Variants in PSD observed in about 807,000 individuals in gnomAD.
PSD encodes PH and SEC7 domain-containing protein 1.
Under a neutral mutation model 91.6 loss-of-function variants are expected in PSD, and 32 were observed. The observed-to-expected ratio is 0.35, with a 90% CI of 0.26 to 0.47. The LOEUF (loss-of-function observed/expected upper bound fraction) is 0.47. Ranked by LOEUF, PSD falls within the 20% of genes least tolerant of loss-of-function variation. The pLI is 1.00. For missense variants in PSD, 1,099 were observed against 1,373.9 expected, an observed-to-expected ratio of 0.80 and a Z score of 3.16; for synonymous variants, 532 against 569.3, an observed-to-expected ratio of 0.93 and a Z score of 0.93.
At chr10:102,419,791 G>A (rs2061536031), upstream of PSD, 5 of 166,480 alleles carry the variant, frequency 3.0e-5, no homozygotes, top group South Asian at 5.0e-4. This position sits in a 1 kb window ranked among gnomAD's most constrained non-coding sequence, Gnocchi z 4.8. Flanking sequence ...GCGCGCTCAC[G>A]TGGCTCTATC....
chr10:102,410,631 C>T lies in PSD; in HGVS notation c.2091+227G>A, dbSNP rs1224667571. Among the ~76,000 whole-genome samples, 1 of 152,212 alleles carries T rather than the reference C, an allele frequency of 6.6e-6. No individual in the cohort carries two copies. Among genetic ancestry groups the T allele is most frequent in the Non-Finnish European group, 1.5e-5 (1 of 68,030 alleles). On this transcript the variant is annotated intron_variant, in intron 10 of 16. Coordinates refer to ENST00000020673, the MANE Select transcript of PSD (RefSeq NM_002779.5). The surrounding 1 kb of genome is among the most constrained non-coding windows in gnomAD (Gnocchi z 6.0). Reference sequence around the variant, plus strand: ...TCCAGAGCCGGGTCCCCTCCCCCGCCGTGCGCAGTCGCGACCGCACGCATG... The same window carrying T: ...TCCAGAGCCGGGTCCCCTCCCCCGCTGTGCGCAGTCGCGACCGCACGCATG...
intron 11 of PSD, 102 bp downstream of exon 11, chr10:102,407,121 T>A: frequency 9.6e-7 from 1 of 1,039,180 alleles, no homozygotes; most frequent in Non-Finnish European, 1.3e-6. Context: ...CTCACTCCCC[T>A]CCCCTACCCC....
chr10:102,407,890 C>T (rs1455110890), intron 10 of PSD, among the ~76,000 whole-genome samples: 1 of 152,172 alleles, frequency 6.6e-6, no homozygotes, highest in Admixed American at 6.5e-5. Flanking sequence ...CACGTGCACA[C>T]TTTGTCACTG....
intron 3 of PSD, 141 bp from the exon 4 acceptor site, chr10:102,415,370 C>T: frequency 9.6e-7 from 1 of 1,041,106 alleles, no homozygotes. Context: ...CTGCTACATA[C>T]TTAGCTTGTT....
intron 5 of PSD, 107 bp from the exon 6 acceptor site, chr10:102,412,682 G>C: frequency 1.1e-6 from 1 of 940,322 alleles, no homozygotes; most frequent in Non-Finnish European, 1.6e-6. Context: ...GGGAGTGGAG[G>C]GACATGGGGA....
In PSD at chr10:102,403,083, C is replaced by T. The variant is rs2061302242; in HGVS notation, c.*117G>A. 6.2e-6 allele frequency: 5 copies of T among 800,998 alleles called. No homozygotes were observed. The highest frequency in any genetic ancestry group is 7.3e-6 in the Non-Finnish European group (4 of 550,422). The allele number at this position is 800,998 out of a possible 1,614,324, so 49.6% of individuals were successfully genotyped here. On this transcript the variant is annotated 3_prime_UTR_variant, in exon 17 of 17. Transcript: ENST00000020673. The surrounding 1 kb of genome is among the most constrained non-coding windows in gnomAD (Gnocchi z 6.7). The stretch of plus-strand genomic sequence containing the variant: ...GCCCTGCCCCGGACACCGCGTCCGG[C>T]GCGGTCGGGCCCTAGGCCGGGAGGC...
In PSD at chr10:102,405,177, C is replaced by G; in HGVS notation, c.2397+6G>C. ...CCAGCCCCAGCCCCCTGGCCTGACC[C>G]CGCACCTTCTGCAGGTAGAGGATCA... is the stretch of plus-strand genomic sequence containing the variant. On this transcript the variant is annotated splice_donor_region_variant and intron_variant, in intron 13 of 16. Coordinates refer to ENST00000020673, the MANE Select transcript of PSD (RefSeq NM_002779.5). This position sits in a 1 kb window ranked among gnomAD's most constrained non-coding sequence, Gnocchi z 5.4. 6.2e-7 allele frequency: 1 copy of G among 1,611,028 alleles called. No individual in the cohort carries two copies. The highest frequency in any genetic ancestry group is 1.7e-5 in the Admixed American group (1 of 60,008).
Position 102,411,712 on chromosome 10 carries a change from G to A in PSD, c.1937C>T (p.Ser646Leu). Residue 646 changes from serine (S) to leucine (L), a missense_variant, in exon 8 of 17, where the codon TCA becomes TTA. This residue lies in a region of PSD where 110 missense variants were observed against 218.7 expected (regional missense o/e 0.50). Coordinates refer to ENST00000020673, the MANE Select transcript of PSD (RefSeq NM_002779.5). ...YFQCNPEALS[S>L]EDGAHTLTCA... ...CTGCTCTCGGAACTCCTCACCCTCT[G>A]AGGACAGGGCTTCAGGATTGCACTG... is the stretch of plus-strand genomic sequence containing the variant. The A allele has an allele frequency of 6.2e-7, 1 of 1,612,486 alleles. No individual in the cohort carries two copies. Among genetic ancestry groups the A allele is most frequent in the Non-Finnish European group, 8.5e-7 (1 of 1,179,336 alleles).
chr10:102,410,237 TCTC>T lies in PSD; in HGVS notation c.2091+618_2091+620del, dbSNP rs533421523. ...GAACCCACTGGATGAGCCACTCCCT[TCTC>T]CTACCGGCACCAGCCCCTACGTATC... On this transcript the variant is annotated intron_variant, in intron 10 of 16. Coordinates refer to ENST00000020673, the MANE Select transcript of PSD (RefSeq NM_002779.5). This position sits in a 1 kb window ranked among gnomAD's most constrained non-coding sequence, Gnocchi z 6.0. Among the ~76,000 whole-genome samples, 646 of 152,134 alleles carry T rather than the reference TCTC, an allele frequency of 4.2e-3. 3 individuals carry two copies. The highest frequency in any genetic ancestry group is 0.013 in the African/African-American group (548 of 41,490).
At position 102,414,162 on chromosome 10, in the gene PSD, GGC is replaced by G; in HGVS notation, c.1158_1159del (p.Pro387LeufsTer10). On this transcript the variant is annotated frameshift_variant, in exon 5 of 17. Transcript: ENST00000020673. LOFTEE classifies it high-confidence loss of function. The surrounding 1 kb of genome is among the most constrained non-coding windows in gnomAD (Gnocchi z 5.6). The stretch of plus-strand genomic sequence containing the variant: ...CGAGGGGCTCGTCCCAGGTAGAAAG[GGC>G]ACAGGTGACTTGAGAGGCATCCGGC... 1 of 1,613,412 alleles carries G rather than the reference GGC, an allele frequency of 6.2e-7. No homozygotes were observed. Among genetic ancestry groups the G allele is most frequent in the Non-Finnish European group, 8.5e-7 (1 of 1,179,584 alleles).
rs776025356 is a variant in PSD, at chr10:102,411,768, G to C, written c.1881C>G (p.Arg627=). 77 of 1,613,714 alleles carry C rather than the reference G, an allele frequency of 4.8e-5. No homozygotes were observed. The highest frequency in any genetic ancestry group is 5.3e-5 in the Non-Finnish European group (63 of 1,179,914). ...ALMGETQERE[R]VLAHFSQRYF... ...ATCGCTGGGAGAAGTGGGCCAGCAC[G>C]CGCTCTCGTTCCTGGGTCTCACCCA... is the stretch of plus-strand genomic sequence containing the variant. Residue 627 remains arginine (R), a synonymous_variant, in exon 8 of 17, where the codon CGC becomes CGG. Transcript: ENST00000020673.
Position 102,405,579 on chromosome 10 carries a change from C to T in PSD, c.2136-43G>A, listed in dbSNP as rs1241942372. 53 of 1,562,970 alleles carry T rather than the reference C, an allele frequency of 3.4e-5. No homozygotes were observed. The highest frequency in any genetic ancestry group is 4.2e-5 in the Non-Finnish European group (48 of 1,147,868). ...TCAGAGGGGGCTGGCCATGGAGCCG[C>T]GGCCCCCGCTTCAGTTCTGGCCTCT... On this transcript the variant is annotated intron_variant, in intron 11 of 16. Transcript: ENST00000020673. This position sits in a 1 kb window ranked among gnomAD's most constrained non-coding sequence, Gnocchi z 5.4.
rs759893346 is a variant in PSD, at chr10:102,410,903, C to T, written c.2046G>A (p.Leu682=). The stretch of plus-strand genomic sequence containing the variant: ...AGTCGCCGCCATCATTGAGGCCCTC[C>T]AGGTTCCCGATGAAGTCCCCGCAGG... The part of the protein sequence containing the change: ...RMTCGDFIGN[L]EGLNDGGDFP... The change falls in exon 10 of 17, where the codon CTG becomes CTA. Residue 682 remains leucine, a synonymous_variant. Coordinates refer to ENST00000020673, the MANE Select transcript of PSD (RefSeq NM_002779.5). This position sits in a 1 kb window ranked among gnomAD's most constrained non-coding sequence, Gnocchi z 6.0. The T allele has an allele frequency of 1.9e-6, 3 of 1,614,068 alleles. No homozygotes were observed. The highest frequency in any genetic ancestry group is 2.5e-6 in the Non-Finnish European group (3 of 1,179,928).
intron 3 of PSD, 145 bp from the exon 4 acceptor site, chr10:102,415,374 G>T: frequency 9.9e-7 from 1 of 1,010,602 alleles, no homozygotes; most frequent in Non-Finnish European, 1.3e-6. Flanking sequence ...TACATACTTA[G>T]CTTGTTCCTG....
At position 102,410,935 on chromosome 10, in the gene PSD, G is replaced by T; in HGVS notation, c.2014C>A (p.Arg672Ser). ...TDLHGHNIGKRMTCGDFIGNL... is the reference protein window; with the variant it reads ...TDLHGHNIGKSMTCGDFIGNL... The stretch of plus-strand genomic sequence containing the variant: ...CCGATGAAGTCCCCGCAGGTCATGC[G>T]CTTCCCGATGTTCTAAGGAAGGGAA... Residue 672 changes from arginine to serine, a missense_variant, in exon 10 of 17, where the codon CGC becomes AGC. Around this residue, in one of 3 missense-constraint regions of PSD, gnomAD observed 110 missense variants for 218.7 expected, o/e 0.50. Coordinates refer to ENST00000020673, the MANE Select transcript of PSD (RefSeq NM_002779.5). The surrounding 1 kb of genome is among the most constrained non-coding windows in gnomAD (Gnocchi z 6.0). The T allele has an allele frequency of 1.9e-6, 3 of 1,613,566 alleles. No individual in the cohort carries two copies. Among genetic ancestry groups the T allele is most frequent in the Non-Finnish European group, 2.5e-6 (3 of 1,179,476 alleles).
chr10:102,417,332 CT>C (rs1416058392), intron 1 of PSD, among the ~76,000 whole-genome samples: 2 of 152,090 alleles, frequency 1.3e-5, no homozygotes, highest in African/African-American at 2.4e-5. Flanking sequence ...CCCCTGGCTC[CT>C]TTCCTTCTGC....
intron 1 of PSD, among the ~76,000 whole-genome samples, chr10:102,417,354 G>A (rs1315705006): frequency 2.0e-5 from 3 of 152,198 alleles, no homozygotes; most frequent in African/African-American, 7.2e-5. Context: ...CTGAGGCCCT[G>A]AGCATCACCC....
chr10:102,417,737 T>C (rs2061499311), intron 1 of PSD, among the ~76,000 whole-genome samples: 1 of 148,784 alleles, frequency 6.7e-6, no homozygotes, highest in African/African-American at 2.5e-5. Context: ...AGATGGAGTT[T>C]CGCCCCTGCT....
chr10:102,418,823 C>T, upstream of PSD: 1 of 413,528 alleles, frequency 2.4e-6, no homozygotes, highest in Non-Finnish European at 4.9e-6. Context: ...CTCCCCCTAC[C>T]CCCTACGCGC....
Sources: allele counts gnomAD v4.1 joint callset (sites outside exome capture counted in the v4.1 genomes callset), GRCh38; gene constraint gnomAD v4.1.1; regional missense constraint gnomAD v4.1.1; non-coding constraint Gnocchi (gnomAD v3.1); transcripts MANE v1.5; gene names NCBI Gene and HGNC (gene_info 2026-07-23, HGNC 2026-07-21).